Variants in UBE2N observed in about 807,000 individuals in gnomAD.
UBE2N encodes ubiquitin conjugating enzyme E2 N.
For missense variants in UBE2N, 60 were observed against 192.1 expected, an observed-to-expected ratio of 0.31 and a Z score of 4.07; for synonymous variants, 70 against 69.2, an observed-to-expected ratio of 1.01 and a Z score of -0.06.
Position 93,407,619 on chromosome 12 carries a change from G to A in UBE2N, c.*2420C>T, listed in dbSNP as rs144380439. The A allele has an allele frequency of 6.6e-6, 1 of 152,212 alleles. No homozygotes were observed. Among genetic ancestry groups the A allele is most frequent in the Non-Finnish European group, 1.5e-5 (1 of 68,032 alleles). 9.4% of individuals were successfully genotyped at this position (152,212 alleles called of 1,614,324 possible). On this transcript the variant is annotated 3_prime_UTR_variant, in exon 4 of 4. Coordinates refer to ENST00000318066, the MANE Select transcript of UBE2N (RefSeq NM_003348.4). ...TGCACAAAGGTGGGTCAGGTCTACT[G>A]TTGCCAGATCTTCAGATCATTCAAA...
intron 1 of UBE2N, among the ~76,000 whole-genome samples, chr12:93,426,947 T>C (rs1247947802): frequency 1.3e-5 from 2 of 152,142 alleles, no homozygotes; most frequent in East Asian, 3.8e-4. Context: ...TTCTTTTTTT[T>C]TTTCTTTTGT....
At position 93,406,942 on chromosome 12, in the gene UBE2N, A is replaced by G. The variant is rs1877856651; in HGVS notation, c.*3097T>C. The G allele has an allele frequency of 6.6e-6, 1 of 152,230 alleles. No individual in the cohort carries two copies. Among genetic ancestry groups the G allele is most frequent in the Non-Finnish European group, 1.5e-5 (1 of 68,048 alleles). The allele number at this position is 152,230 out of a possible 1,614,324, so 9.4% of individuals were successfully genotyped here. The stretch of plus-strand genomic sequence containing the variant: ...GCAGAAGCAAATCGCAGCGAAGTAG[A>G]CTACAACAATCAAGTCAAAAAACAT... On this transcript the variant is annotated 3_prime_UTR_variant, in exon 4 of 4. Coordinates refer to ENST00000318066, the MANE Select transcript of UBE2N (RefSeq NM_003348.4).
rs558880405 is a variant in UBE2N, at chr12:93,441,945, A to G, written c.-61T>C. The G allele has an allele frequency of 1.2e-5, 18 of 1,523,448 alleles. No individual in the cohort carries two copies. In the African/African-American group the frequency reaches 2.4e-4, roughly 21 times the overall value. The allele number at this position is 1,523,448 out of a possible 1,614,324, so 94.4% of individuals were successfully genotyped here. On this transcript the variant is annotated 5_prime_UTR_variant, in exon 1 of 4. Transcript: ENST00000318066. ...TCCGGCTCCTCTCGCCTCACGCACGAGTGGAAGTCCCGGGCTCCACTTCCG... is the reference window on the plus strand; with the variant it reads ...TCCGGCTCCTCTCGCCTCACGCACGGGTGGAAGTCCCGGGCTCCACTTCCG...
Position 93,411,121 on chromosome 12 carries a change from C to T in UBE2N, c.209G>A (p.Arg70His). The T allele has an allele frequency of 1.2e-6, 2 of 1,614,162 alleles. No homozygotes were observed. Among genetic ancestry groups the T allele is most frequent in the Non-Finnish European group, 1.7e-6 (2 of 1,180,030 alleles). Residue 70 changes from arginine (R) to histidine (H), a missense_variant, in exon 2 of 4, where the codon CGT becomes CAT. Transcript: ENST00000318066. ...AGGATGATAAATTTTGGTCATGAAA[C>T]GTACTTTAGGGGCTGCCATTGGGTA... ...EEYPMAAPKV[R>H]FMTKIYHPNV... is the part of the protein sequence containing the mutation.
At chr12:93,429,253 G>C (rs1592748615) in intron 1 of UBE2N, 2 of 391,880 alleles carry the variant, frequency 5.1e-6, no homozygotes, top group East Asian at 1.6e-4. Context: ...CTGGGCGACA[G>C]AGGGAGACTC....
At chr12:93,441,314 G>A (rs1253154171) in intron 1 of UBE2N, 1 of 152,470 alleles carries the variant, frequency 6.6e-6, no homozygotes, top group Non-Finnish European at 1.5e-5. Flanking sequence ...GCCTCCCAGA[G>A]CCACTTCCCG....
intron 1 of UBE2N, among the ~76,000 whole-genome samples, chr12:93,436,302 T>C (rs1320227323): frequency 3.3e-5 from 5 of 152,146 alleles, no homozygotes; most frequent in Non-Finnish European, 7.4e-5. Flanking sequence ...CAAGGTCTCA[T>C]TATGTTGTAC....
intron 1 of UBE2N, among the ~76,000 whole-genome samples, chr12:93,433,217 G>A (rs1042604375): frequency 6.6e-6 from 1 of 152,154 alleles, no homozygotes; most frequent in Non-Finnish European, 1.5e-5. Flanking sequence ...ACAGGCGTGA[G>A]CCACCGCGCC....
At chr12:93,429,650 G>A (rs1169303929) in intron 1 of UBE2N, among the ~76,000 whole-genome samples, 2 of 151,938 alleles carry the variant, frequency 1.3e-5, no homozygotes, top group African/African-American at 2.4e-5. Flanking sequence ...CACAGGAGAT[G>A]ACAGCTCCAT....
Position 93,407,934 on chromosome 12 carries a change from C to T in UBE2N, c.*2105G>A, listed in dbSNP as rs552227686. The T allele has an allele frequency of 6.6e-6, 1 of 152,266 alleles. No homozygotes were observed. Among genetic ancestry groups the T allele is most frequent in the East Asian group, 1.9e-4 (1 of 5,168 alleles). The allele number at this position is 152,266 out of a possible 1,614,324, so 9.4% of individuals were successfully genotyped here. ...AACTGCAAAGGAAAAAAATATGATA[C>T]CATGAAATTAGAAATTCACTGCATT... On this transcript the variant is annotated 3_prime_UTR_variant, in exon 4 of 4. Coordinates refer to ENST00000318066, the MANE Select transcript of UBE2N (RefSeq NM_003348.4).
chr12:93,434,890 G>GTATT (rs141035353), intron 1 of UBE2N, among the ~76,000 whole-genome samples: 10,906 of 151,284 alleles, frequency 0.072, 582 homozygotes, highest in African/African-American at 0.14. Flanking sequence ...TAATGAGTTT[G>GTATT]TATTTATTTA....
chr12:93,428,478 T>G (rs1878657734), intron 1 of UBE2N, among the ~76,000 whole-genome samples: 1 of 152,282 alleles, frequency 6.6e-6, no homozygotes, highest in African/African-American at 2.4e-5. Context: ...TTGAGGGTTT[T>G]CCAGGCCAGT....
At chr12:93,414,654 C>A (rs1878146093) in intron 1 of UBE2N, among the ~76,000 whole-genome samples, 1 of 152,052 alleles carries the variant, frequency 6.6e-6, no homozygotes, top group South Asian at 2.1e-4. Flanking sequence ...GGGCTTTGTA[C>A]TTCCTCTTCC....
intron 1 of UBE2N, among the ~76,000 whole-genome samples, chr12:93,426,777 G>A (rs1276879759): frequency 1.3e-5 from 2 of 152,122 alleles, no homozygotes; most frequent in Non-Finnish European, 2.9e-5. Flanking sequence ...ACTCTGCCAG[G>A]GGCTCCTAGT....
At chr12:93,438,315 G>C (rs757084638) in intron 1 of UBE2N, among the ~76,000 whole-genome samples, 2 of 149,468 alleles carry the variant, frequency 1.3e-5, no homozygotes, top group African/African-American at 2.4e-5. Flanking sequence ...ATAAAATTGT[G>C]GGGGAGGAAA....
At chr12:93,424,568 G>A (rs1407826688) in intron 1 of UBE2N, among the ~76,000 whole-genome samples, 1 of 152,214 alleles carries the variant, frequency 6.6e-6, no homozygotes, top group African/African-American at 2.4e-5. Context: ...ATGAAAGCAT[G>A]CAGATATTGG....
chr12:93,419,800 A>C (rs1429095140), intron 1 of UBE2N, among the ~76,000 whole-genome samples: 1 of 152,230 alleles, frequency 6.6e-6, no homozygotes, highest in Non-Finnish European at 1.5e-5. Context: ...CTTGAAAAAG[A>C]CCTATAGATT....
chr12:93,420,413 T>C (rs1878372858), intron 1 of UBE2N, among the ~76,000 whole-genome samples: 1 of 152,168 alleles, frequency 6.6e-6, no homozygotes, highest in African/African-American at 2.4e-5. Context: ...AAAGTATATA[T>C]AATCTGAGAT....
intron 1 of UBE2N, among the ~76,000 whole-genome samples, chr12:93,441,457 C>G (rs895652711): frequency 6.6e-6 from 1 of 152,164 alleles, no homozygotes; most frequent in Admixed American, 6.5e-5. Context: ...GCCACAATCC[C>G]CACCAGGCGC....
Sources: allele counts gnomAD v4.1 joint callset (sites outside exome capture counted in the v4.1 genomes callset), GRCh38; gene constraint gnomAD v4.1.1; transcripts MANE v1.5; gene names NCBI Gene and HGNC (gene_info 2026-07-23, HGNC 2026-07-21).